The following DISC1 variants were observed in gnomAD, a reference collection of about 807,000 sequenced individuals.
DISC1 encodes the protein DISC1 scaffold protein, also known as disrupted in schizophrenia 1 protein.
A neutral mutation model predicts 84.5 loss-of-function variants in DISC1; 57 were observed. That is an observed-to-expected ratio of 0.67 (90% confidence interval 0.55 to 0.84). DISC1 has a LOEUF of 0.84. Ranked by LOEUF, DISC1 falls within the 40% of genes least tolerant of loss-of-function variation. The pLI, the probability that DISC1 is intolerant of heterozygous loss-of-function variation, is 0.00. For missense variants in DISC1, 1,000 were observed against 1,057.8 expected, an observed-to-expected ratio of 0.95 and a Z score of 0.76; for synonymous variants, 411 against 415.2, an observed-to-expected ratio of 0.99 and a Z score of 0.12.
intron 3 of DISC1, among the ~76,000 whole-genome samples, chr1:231,731,062 G>A (rs1275458269): frequency 1.3e-5 from 2 of 152,126 alleles, no homozygotes; most frequent in Non-Finnish European, 2.9e-5. Flanking sequence ...TGGGAAAATG[G>A]AAGTTCTAGG....
At chr1:231,961,624 A>G (rs1660390495) in intron 10 of DISC1, among the ~76,000 whole-genome samples, 1 of 152,156 alleles carries the variant, frequency 6.6e-6, no homozygotes. Context: ...AAGTGAGAAC[A>G]TGCAGTGTTT....
intron 1 of DISC1, among the ~76,000 whole-genome samples, chr1:231,638,512 G>A (rs1473460285): frequency 6.6e-6 from 1 of 152,124 alleles, no homozygotes; most frequent in African/African-American, 2.4e-5. Flanking sequence ...GTTGAATTTA[G>A]TTTTGTATAT....
intron 9 of DISC1, among the ~76,000 whole-genome samples, chr1:231,917,406 G>A (rs2089711837): frequency 6.6e-6 from 1 of 152,232 alleles, no homozygotes; most frequent in African/African-American, 2.4e-5. Flanking sequence ...TGAATAATAT[G>A]AAGCGAAGCG....
At chr1:231,691,196 C>G (rs187108704) in intron 1 of DISC1, among the ~76,000 whole-genome samples, 31 of 152,192 alleles carry the variant, frequency 2.0e-4, no homozygotes, top group Non-Finnish European at 4.0e-4. Flanking sequence ...TTTGAGAGGC[C>G]TAGGCGGGGG....
intron 10 of DISC1, among the ~76,000 whole-genome samples, chr1:232,007,164 A>C (rs1022131770): frequency 3.3e-5 from 5 of 152,200 alleles, no homozygotes; most frequent in African/African-American, 1.2e-4. Flanking sequence ...CTGCTAGAGC[A>C]GTGTGGAAGG....
intron 9 of DISC1, chr1:231,866,753 T>A: frequency 2.3e-6 from 3 of 1,312,436 alleles, no homozygotes; most frequent in Non-Finnish European, 2.9e-6. Context: ...TTGTATGGAT[T>A]CTTCTTTCAA....
intron 9 of DISC1, among the ~76,000 whole-genome samples, chr1:231,864,327 G>A (rs1311991526): frequency 2.0e-5 from 3 of 152,094 alleles, no homozygotes; most frequent in East Asian, 3.9e-4. Flanking sequence ...AGGCTCATAA[G>A]CGTTGCCTCT....
rs1670715158 is a variant in DISC1, at chr1:232,040,024, T to C, written c.*3193T>C. On this transcript the variant is annotated 3_prime_UTR_variant, in exon 13 of 13. Transcript: ENST00000439617. Reference sequence around the variant, plus strand: ...TTTTTTTTGAGATGGAGTCTCTCTCTGTCACCCAAGTTGGAGTGCAGTGGC... The same window carrying C: ...TTTTTTTTGAGATGGAGTCTCTCTCCGTCACCCAAGTTGGAGTGCAGTGGC... 2 of 151,722 alleles carry C rather than the reference T, an allele frequency of 1.3e-5. No individual in the cohort carries two copies. The highest frequency in any genetic ancestry group is 4.2e-4 in the South Asian group (2 of 4,764). The allele number at this position is 151,722 out of a possible 1,614,324, so 9.4% of individuals were successfully genotyped here.
chr1:231,901,744 T>G (rs774760089), intron 9 of DISC1, among the ~76,000 whole-genome samples: 2 of 152,248 alleles, frequency 1.3e-5, no homozygotes, highest in Non-Finnish European at 2.9e-5. Context: ...TTATTATATA[T>G]TTAATCATGC....
intron 10 of DISC1, among the ~76,000 whole-genome samples, chr1:231,962,053 C>T (rs1660461114): frequency 6.6e-6 from 1 of 152,148 alleles, no homozygotes; most frequent in South Asian, 2.1e-4. Context: ...TGTTTTTTGG[C>T]TTTTTAATAA....
chr1:232,002,640 A>ACACAC (rs1553418884), intron 10 of DISC1, among the ~76,000 whole-genome samples: 5 of 120,060 alleles, frequency 4.2e-5, no homozygotes, highest in Non-Finnish European at 6.8e-5. Flanking sequence ...CACACACACA[A>ACACAC]AAGCCAATCC....
At chr1:231,876,203 G>A (rs1009587) in intron 9 of DISC1, among the ~76,000 whole-genome samples, 58,516 of 151,934 alleles carry the variant, frequency 0.39, 11,489 homozygotes, top group East Asian at 0.51. Flanking sequence ...ACTATCCCCC[G>A]CATTGTACTG....
At chr1:231,771,591 G>A (rs914872749) in intron 6 of DISC1, 18 of 985,198 alleles carry the variant, frequency 1.8e-5, no homozygotes, top group Non-Finnish European at 1.9e-5. Context: ...GAGTTACTTC[G>A]GTTGTTGTAT....
chr1:231,627,146 C>T (rs2058324594), intron 1 of DISC1, among the ~76,000 whole-genome samples: 1 of 152,230 alleles, frequency 6.6e-6, no homozygotes, highest in Non-Finnish European at 1.5e-5. Context: ...CGAGCCGGGC[C>T]AGGTCCCTGA....
chr1:231,851,404 G>A (rs767268651), intron 9 of DISC1, among the ~76,000 whole-genome samples: 17 of 152,162 alleles, frequency 1.1e-4, no homozygotes, highest in South Asian at 2.1e-4. Context: ...GAGTTGGGGC[G>A]ATAAATATTC....
At chr1:231,689,915 C>T (rs2064782183) in intron 1 of DISC1, among the ~76,000 whole-genome samples, 1 of 151,992 alleles carries the variant, frequency 6.6e-6, no homozygotes, top group Admixed American at 6.6e-5. Flanking sequence ...GCCCTGTTGA[C>T]TGGGTGATCA....
chr1:231,855,338 A>G, intron 9 of DISC1: 2 of 968,790 alleles, frequency 2.1e-6, no homozygotes, highest in Non-Finnish European at 2.5e-6. Flanking sequence ...AATTTTTGTC[A>G]ATTAAACAGT....
chr1:231,932,700 T>A (rs926744556), intron 9 of DISC1, among the ~76,000 whole-genome samples: 1 of 152,158 alleles, frequency 6.6e-6, no homozygotes, highest in African/African-American at 2.4e-5. Flanking sequence ...CTTTCCATCA[T>A]TCCCACTGCC....
chr1:231,944,277 C>T (rs1416828457), intron 9 of DISC1, among the ~76,000 whole-genome samples: 8 of 151,340 alleles, frequency 5.3e-5, no homozygotes, highest in Non-Finnish European at 8.9e-5. Context: ...GATGCACTGC[C>T]CAGATCCTTC....
Sources: gnomAD v4.1 joint callset for allele counts (sites outside exome capture counted in the v4.1 genomes callset) on GRCh38, gnomAD v4.1.1 for gene constraint, MANE v1.5 for transcripts, NCBI Gene and HGNC (gene_info 2026-07-23, HGNC 2026-07-21) for gene names.